The following EEIG2 variants were observed in gnomAD, a reference collection of about 807,000 sequenced individuals.
EEIG2 encodes EEIG family member 2, also known as family with sequence similarity 102 member B.
the EEIG2 span, chr1:108,626,974 T>TTA: frequency 2.0e-5 from 3 of 152,246 alleles, no homozygotes; most frequent in African/African-American, 7.2e-5. Context: ...ATTTTTGTAC[T>TTA]TACCACATTG....
chr1:108,628,901 T>G, the EEIG2 span: 1 of 1,035,948 alleles, frequency 9.7e-7, no homozygotes, highest in Non-Finnish European at 1.4e-6. Flanking sequence ...TAATACTGAC[T>G]GTTGCATATT....
At chr1:108,623,831 C>G in the EEIG2 span, among the ~76,000 whole-genome samples, 1 of 151,922 alleles carries the variant, frequency 6.6e-6, no homozygotes, top group African/African-American at 2.4e-5. Flanking sequence ...GCCACCACAC[C>G]CGTCTAATTT....
the EEIG2 span, among the ~76,000 whole-genome samples, chr1:108,622,764 TC>T: frequency 6.6e-6 from 1 of 152,286 alleles, no homozygotes; most frequent in Admixed American, 6.5e-5. Context: ...AATGTCTCTA[TC>T]CCCAAGAATC....
At chr1:108,594,528 T>G in the EEIG2 span, among the ~76,000 whole-genome samples, 2 of 152,204 alleles carry the variant, frequency 1.3e-5, no homozygotes, top group African/African-American at 4.8e-5. Context: ...CTGTGTATCT[T>G]AGTTCCTTTA....
chr1:108,586,405 A>G, the EEIG2 span, among the ~76,000 whole-genome samples: 1 of 152,032 alleles, frequency 6.6e-6, no homozygotes, highest in Non-Finnish European at 1.5e-5. Context: ...TCCAGACAAC[A>G]TATGTTTACC....
chr1:108,571,858 A>G, the EEIG2 span, among the ~76,000 whole-genome samples: 1 of 152,108 alleles, frequency 6.6e-6, no homozygotes, highest in Non-Finnish European at 1.5e-5. Context: ...TCTTTTAACT[A>G]TTATTTCAGA....
At chr1:108,579,526 ATCAACGAGACAGAAAG>A in the EEIG2 span, among the ~76,000 whole-genome samples, 1 of 147,502 alleles carries the variant, frequency 6.8e-6, no homozygotes, top group South Asian at 2.2e-4. Context: ...CATTAGACAG[ATCAACGAGACAGAAAG>A]TCAACAAGGA....
chr1:108,592,053 A>G, the EEIG2 span, among the ~76,000 whole-genome samples: 1 of 152,198 alleles, frequency 6.6e-6, no homozygotes, highest in Non-Finnish European at 1.5e-5. Context: ...AACAGAAATG[A>G]CATTATCAAG....
the EEIG2 span, chr1:108,625,828 G>GTGTGT: frequency 1.5e-5 from 2 of 132,240 alleles, no homozygotes; most frequent in African/African-American, 5.5e-5. Context: ...GTGTGTGTGT[G>GTGTGT]GAGAGAGAGA....
chr1:108,570,868 G>A, the EEIG2 span, among the ~76,000 whole-genome samples: 1 of 152,196 alleles, frequency 6.6e-6, no homozygotes, highest in Non-Finnish European at 1.5e-5. Flanking sequence ...GAAGGCCTTA[G>A]TGATGTTAAA....
the EEIG2 span, among the ~76,000 whole-genome samples, chr1:108,613,245 C>CTTT: frequency 7.9e-5 from 12 of 152,246 alleles, no homozygotes; most frequent in Middle Eastern, 6.8e-3. Flanking sequence ...TTTTATAACT[C>CTTT]TAAAAAGTTT....
chr1:108,630,196 T>C, the EEIG2 span, among the ~76,000 whole-genome samples: 1 of 152,198 alleles, frequency 6.6e-6, no homozygotes. Flanking sequence ...GTCAATGATC[T>C]TATCTTTTCC....
chr1:108,572,996 C>T, the EEIG2 span, among the ~76,000 whole-genome samples: 1 of 152,164 alleles, frequency 6.6e-6, no homozygotes, highest in Admixed American at 6.6e-5. Flanking sequence ...ATGGTTTACC[C>T]ATTCATCTAC....
the EEIG2 span, among the ~76,000 whole-genome samples, chr1:108,631,384 ACT>A: frequency 6.6e-6 from 1 of 152,208 alleles, no homozygotes; most frequent in Non-Finnish European, 1.5e-5. Flanking sequence ...TGCAGCAGAG[ACT>A]CTGTGGCCCA....
the EEIG2 span, among the ~76,000 whole-genome samples, chr1:108,561,940 G>T: frequency 1.3e-5 from 2 of 152,184 alleles, no homozygotes; most frequent in African/African-American, 4.8e-5. Flanking sequence ...ACACCTGGTG[G>T]TCAGGGCACT....
the EEIG2 span, among the ~76,000 whole-genome samples, chr1:108,585,106 C>T: frequency 6.6e-6 from 1 of 152,096 alleles, no homozygotes; most frequent in South Asian, 2.1e-4. Context: ...AAAACTGTAA[C>T]TTCCGTCATT....
chr1:108,615,786 TA>T, the EEIG2 span, among the ~76,000 whole-genome samples: 1,977 of 114,412 alleles, frequency 0.017, 15 homozygotes, highest in African/African-American at 0.034. Flanking sequence ...TCTCAAGAAT[TA>T]AAAAAAAAAA....
At chr1:108,570,071 AC>A in the EEIG2 span, among the ~76,000 whole-genome samples, 1 of 152,236 alleles carries the variant, frequency 6.6e-6, no homozygotes, top group East Asian at 1.9e-4. Flanking sequence ...ATGAAAAATT[AC>A]CATACAGTGT....
chr1:108,572,432 A>G, the EEIG2 span, among the ~76,000 whole-genome samples: 4 of 151,538 alleles, frequency 2.6e-5, no homozygotes, highest in South Asian at 8.4e-4. Context: ...TTATCACCCA[A>G]AGTTCACAGC....
Sources: gnomAD v4.1 joint callset for allele counts (sites outside exome capture counted in the v4.1 genomes callset) on GRCh38, gnomAD v4.1.1 for gene constraint, MANE v1.5 for transcripts, NCBI Gene and HGNC (gene_info 2026-07-23, HGNC 2026-07-21) for gene names.